Variants in EIF3B observed in about 807,000 individuals in gnomAD.
EIF3B encodes the protein eukaryotic translation initiation factor 3 subunit B.
EIF3B carries 10 observed loss-of-function variants against 104.6 expected under a neutral mutation model. That is an observed-to-expected ratio of 0.10 (90% CI 0.06 to 0.16). EIF3B has a LOEUF of 0.16. EIF3B is among the 10% of genes least tolerant of loss of function. EIF3B has a pLI of 1.00. For missense variants in EIF3B, 1,014 were observed against 1,087.9 expected, an observed-to-expected ratio of 0.93 and a Z score of 0.96; for synonymous variants, 542 against 417.2, an observed-to-expected ratio of 1.30 and a Z score of -3.65.
chr7:2,379,685 G>A (rs1780888588), intron 18 of EIF3B, 174 bp downstream of exon 18: 1 of 594,254 alleles, frequency 1.7e-6, no homozygotes, highest in Admixed American at 2.9e-5. Context: ...TGCCGACGTG[G>A]CCTCGACTGC....
In EIF3B at chr7:2,369,689, A is replaced by T. The variant is rs112295665; in HGVS notation, c.1614+7A>T. On this transcript the variant is annotated splice_region_variant and intron_variant, in intron 10 of 18. Transcript: ENST00000360876. Reference sequence around the variant, plus strand: ...GACTCCGAAAGGCACCCAGGTATGTAGATTCCCACAGGAACTGACGATTCC... The same window carrying T: ...GACTCCGAAAGGCACCCAGGTATGTTGATTCCCACAGGAACTGACGATTCC... 10 of 1,600,832 alleles carry T rather than the reference A, an allele frequency of 6.2e-6. No individual in the cohort carries two copies. The highest frequency in any genetic ancestry group is 2.7e-5 in the African/African-American group (2 of 74,208).
rs1223241657 is a variant in EIF3B, at chr7:2,354,849, GGC to G, written c.-67_-66del. On this transcript the variant is annotated 5_prime_UTR_variant, in exon 1 of 19. Coordinates refer to ENST00000360876, the MANE Select transcript of EIF3B (RefSeq NM_001037283.2). Reference sequence around the variant, plus strand: ...CACATGGCTGGGCTGTAGCCGTCGCGGCGCGCGGTGCGGCCTGGGAGAGTCGG... The same window carrying G: ...CACATGGCTGGGCTGTAGCCGTCGCGGCGCGGTGCGGCCTGGGAGAGTCGG... 88 of 1,063,548 alleles carry G rather than the reference GGC, an allele frequency of 8.3e-5. No individual in the cohort carries two copies. The highest frequency in any genetic ancestry group is 9.8e-5 in the Non-Finnish European group (86 of 880,212). 65.9% of individuals were successfully genotyped at this position (1,063,548 alleles called of 1,614,324 possible). A position where few individuals can be genotyped will look rare whatever the true frequency, so the allele number is the denominator to read the frequency against.
chr7:2,366,115 C>T (rs987187510), intron 6 of EIF3B, among the ~76,000 whole-genome samples: 3 of 152,064 alleles, frequency 2.0e-5, no homozygotes, highest in Non-Finnish European at 4.4e-5. Context: ...TTGGAGAAAC[C>T]GGAGCGCCTG....
rs1372518888 is a variant in EIF3B at position 2,355,266 on chromosome 7, G to C, written c.345G>C (p.Glu115Asp). 6 of 1,531,708 alleles carry C rather than the reference G, an allele frequency of 3.9e-6. No individual in the cohort carries two copies. The Admixed American group carries it at 5.9e-5, about 15-fold the overall frequency. The allele number at this position is 1,531,708 out of a possible 1,614,324, so 94.9% of individuals were successfully genotyped here. ...GEAPGEQARD[E>D]RSDSRAQAVS... The stretch of plus-strand genomic sequence containing the variant: ...CCCCAGGAGAGCAGGCTCGGGACGA[G>C]CGCTCCGACAGCCGGGCCCAGGCGG... The change falls in exon 1 of 19, where the codon GAG (glutamate) becomes GAC (aspartate). Residue 115 changes from glutamate (E) to aspartate (D), a missense_variant. Physicochemically the swap from Glu to Asp is conservative, Grantham distance 45. Coordinates refer to ENST00000360876, the MANE Select transcript of EIF3B (RefSeq NM_001037283.2).
rs55980527 is a variant in EIF3B at position 2,378,202 on chromosome 7, G to T, written c.2155-487G>T. 199 of 103,538 alleles carry T rather than the reference G, an allele frequency of 1.9e-3. 1 individual carries two copies. The highest frequency in any genetic ancestry group is 4.8e-3 in the African/African-American group (116 of 24,220). The allele number at this position is 103,538 out of a possible 1,614,324, so 6.4% of individuals were successfully genotyped here. ...GAGCAGGCGCGAGCGCTCCTGGGAA[G>T]CCGTGTTGTGTGAATGACCCTGGGT... is the stretch of plus-strand genomic sequence containing the variant. On this transcript the variant is annotated intron_variant, in intron 15 of 18. Transcript: ENST00000360876.
At chr7:2,365,646 T>G (rs1779968122) in intron 6 of EIF3B, among the ~76,000 whole-genome samples, 1 of 107,722 alleles carries the variant, frequency 9.3e-6, no homozygotes, top group Non-Finnish European at 1.7e-5. Flanking sequence ...GGATGGGACT[T>G]GTTTTTTTGT....
intron 11 of EIF3B, among the ~76,000 whole-genome samples, chr7:2,372,403 A>G (rs1486160942): frequency 6.6e-6 from 1 of 152,166 alleles, no homozygotes; most frequent in African/African-American, 2.4e-5. Flanking sequence ...AGCTGCTGAC[A>G]ATGTCGGGCT....
chr7:2,362,713 A>G lies in EIF3B; in HGVS notation c.761A>G (p.Lys254Arg), dbSNP rs1426569353. 6.2e-7 allele frequency: 1 copy of G among 1,614,104 alleles called. No individual in the cohort carries two copies. The highest frequency in any genetic ancestry group is 2.2e-5 in the East Asian group (1 of 44,898). Reference protein sequence around the residue: ...VDAVKNADGYKLDKQHTFRVN... With the variant: ...VDAVKNADGYRLDKQHTFRVN... ...GCTGTGAAGAACGCCGACGGCTACA[A>G]GCTTGACAAGCAGCACACATTCCGG... The change falls in exon 3 of 19, where the codon AAG (lysine) becomes AGG (arginine). Residue 254 changes from lysine (K) to arginine (R), a missense_variant. Lys to Arg is a conservative substitution (Grantham distance 26). Around this residue, in one of 4 missense-constraint regions of EIF3B, gnomAD observed 488 missense variants for 404.3 expected, o/e 1.21. Transcript: ENST00000360876.
chr7:2,359,466 G>A (rs1034757706), intron 1 of EIF3B, among the ~76,000 whole-genome samples: 2 of 152,202 alleles, frequency 1.3e-5, no homozygotes, highest in African/African-American at 4.8e-5. Flanking sequence ...TCCATGCAGC[G>A]GAACAGGTGG....
At chr7:2,375,870 G>A (rs1780602435) in intron 14 of EIF3B, 1 of 246,250 alleles carries the variant, frequency 4.1e-6, no homozygotes, top group Non-Finnish European at 7.9e-6. Flanking sequence ...TCTGTTTTGG[G>A]GTCAGTGGTT....
At chr7:2,372,491 G>T (rs1040338559) in intron 11 of EIF3B, among the ~76,000 whole-genome samples, 182 bp from the exon 12 acceptor site, 2 of 152,208 alleles carry the variant, frequency 1.3e-5, no homozygotes, top group African/African-American at 4.8e-5. Context: ...AGTGGAAGCA[G>T]CTGTCTCTGA....
At chr7:2,373,806 A>G (rs1642014591) in intron 12 of EIF3B, 1 of 152,192 alleles carries the variant, frequency 6.6e-6, no homozygotes, top group Non-Finnish European at 1.5e-5. Flanking sequence ...GGGCCACCGC[A>G]TGGGCTCCAT....
intron 14 of EIF3B, chr7:2,376,737 C>G (rs1187619855): frequency 1.7e-6 from 1 of 595,018 alleles, no homozygotes; most frequent in African/African-American, 1.9e-5. Context: ...GAGCGCTGCT[C>G]CAGCTGCTCC....
chr7:2,368,152 A>G (rs961352859), intron 9 of EIF3B, among the ~76,000 whole-genome samples: 1 of 150,136 alleles, frequency 6.7e-6, no homozygotes, highest in Non-Finnish European at 1.5e-5. Context: ...CCATTTTTAA[A>G]TCTTTTTTGA....
chr7:2,378,818 C>T (rs765882713), intron 16 of EIF3B, 52 bp downstream of exon 16: 1 of 1,514,620 alleles, frequency 6.6e-7, no homozygotes, highest in Non-Finnish European at 9.1e-7. Flanking sequence ...GCCATCATGG[C>T]AAAGGCGGGG....
chr7:2,355,630 AGG>A (rs1381440191), intron 1 of EIF3B, among the ~76,000 whole-genome samples: 1 of 152,112 alleles, frequency 6.6e-6, no homozygotes, highest in East Asian at 1.9e-4. Context: ...TTCCTGAAAA[AGG>A]GGACAGGGTG....
chr7:2,378,790 G>A (rs906150882), intron 16 of EIF3B, 24 bp downstream of exon 16: 1 of 1,603,916 alleles, frequency 6.2e-7, no homozygotes, highest in Admixed American at 1.7e-5. Context: ...CCAAAATGAG[G>A]GCTGTGCTGT....
intron 14 of EIF3B, chr7:2,375,847 G>T (rs550165686): frequency 3.3e-6 from 1 of 307,178 alleles, no homozygotes; most frequent in South Asian, 6.3e-5. Flanking sequence ...TTCCATAACC[G>T]CAGACATTAA....
intron 6 of EIF3B, 53 bp from the exon 7 acceptor site, chr7:2,366,264 T>A: frequency 6.6e-7 from 1 of 1,524,748 alleles, no homozygotes; most frequent in South Asian, 1.3e-5. Flanking sequence ...ACAGACAGAC[T>A]GTGATCCTCT....
Sources: allele counts gnomAD v4.1 joint callset (sites outside exome capture counted in the v4.1 genomes callset), GRCh38; gene constraint gnomAD v4.1.1; regional missense constraint gnomAD v4.1.1; transcripts MANE v1.5; gene names NCBI Gene and HGNC (gene_info 2026-07-23, HGNC 2026-07-21).